The following TP53BP1 variants were observed in gnomAD, a reference collection of about 807,000 sequenced individuals.
TP53BP1 encodes tumor protein p53 binding protein 1, also known as TP53-binding protein 1.
In TP53BP1, 61 loss-of-function variants were observed where a neutral mutation model predicts 200.8. That is an observed-to-expected ratio of 0.30 (90% CI 0.25 to 0.38). TP53BP1 has a LOEUF of 0.38. Among genes scored for constraint, TP53BP1 ranks in the 10% least tolerant of loss-of-function variants. The pLI is 1.00. For synonymous variants in TP53BP1, 822 were observed against 844.3 expected, an observed-to-expected ratio of 0.97 and a Z score of 0.46; for missense variants, 2,144 against 2,371.9, an observed-to-expected ratio of 0.90 and a Z score of 2.00.
chr15:43,493,737 G>C (rs913472037), upstream of TP53BP1, among the ~76,000 whole-genome samples: 1 of 152,166 alleles, frequency 6.6e-6, no homozygotes, highest in African/African-American at 2.4e-5. Flanking sequence ...CATTGTATAA[G>C]GGCTCCAGTA....
rs1477157049 is a variant in TP53BP1 at position 43,483,586 on chromosome 15, A to C, written c.372-2564T>G. ...AAAGAGCATTAAGCGTAACTGTAAT[A>C]AACACAAAAGAGGTGAAAATATAAA... On this transcript the variant is annotated intron_variant, in intron 4 of 27. Coordinates refer to ENST00000382044, the MANE Select transcript of TP53BP1 (RefSeq NM_001141980.3). Among the ~76,000 whole-genome samples the C allele has an allele frequency of 3.3e-5, 5 of 152,356 alleles. No homozygotes were observed. The East Asian group carries it at 9.6e-4, about 29-fold the overall frequency.
intron 16 of TP53BP1, 102 bp downstream of exon 16, chr15:43,438,222 A>G (rs2045845472): frequency 2.1e-6 from 2 of 972,960 alleles, no homozygotes; most frequent in Non-Finnish European, 3.1e-6. Flanking sequence ...AGTTTCCAAC[A>G]CATGCCACAT....
chr15:43,494,967 TTA>T, upstream of TP53BP1, among the ~76,000 whole-genome samples: 1 of 151,514 alleles, frequency 6.6e-6, no homozygotes, highest in African/African-American at 2.4e-5. Context: ...GGCAGGTGGA[TTA>T]CTTGAGCCCA....
chr15:43,470,360 G>C (rs1335722622), intron 10 of TP53BP1, among the ~76,000 whole-genome samples: 2 of 152,154 alleles, frequency 1.3e-5, no homozygotes, highest in African/African-American at 2.4e-5. Flanking sequence ...CTCCTTTCCT[G>C]ATTTTATAGC....
At chr15:43,424,145 C>A (rs567461237) in intron 18 of TP53BP1, among the ~76,000 whole-genome samples, 2 of 152,310 alleles carry the variant, frequency 1.3e-5, no homozygotes, top group South Asian at 4.1e-4. Context: ...TCTCACATCT[C>A]CTACAGCTCT....
rs944501394 is a variant in TP53BP1, at chr15:43,412,423, T to C, written c.5305+696A>G. Among the ~76,000 whole-genome samples the C allele has an allele frequency of 2.0e-5, 3 of 152,354 alleles. No homozygotes were observed. The South Asian group carries it at 6.2e-4, about 32-fold the overall frequency. On this transcript the variant is annotated intron_variant, in intron 24 of 27. Coordinates refer to ENST00000382044, the MANE Select transcript of TP53BP1 (RefSeq NM_001141980.3). ...CATTCAGATACTGCTGTCAGTCACA[T>C]TTACAGTGTATACATTTATATCTGC...
At chr15:43,490,449 C>A (rs1400803257) in intron 4 of TP53BP1, among the ~76,000 whole-genome samples, 3 of 151,506 alleles carry the variant, frequency 2.0e-5, no homozygotes, top group Non-Finnish European at 2.9e-5. Flanking sequence ...ATCTCAAACT[C>A]CTGGGCTCAA....
At chr15:43,469,125 T>C (rs189634001) in intron 11 of TP53BP1, among the ~76,000 whole-genome samples, 1 of 152,332 alleles carries the variant, frequency 6.6e-6, no homozygotes, top group African/African-American at 2.4e-5. Flanking sequence ...GGTATTTAGA[T>C]TGAATATATA....
intron 4 of TP53BP1, among the ~76,000 whole-genome samples, chr15:43,482,072 C>T (rs919288478): frequency 4.7e-5 from 7 of 148,118 alleles, no homozygotes; most frequent in African/African-American, 1.5e-4. Context: ...CTAAAAAATA[C>T]AAAAAAATTA....
chr15:43,462,350 G>C (rs529676882), intron 11 of TP53BP1, among the ~76,000 whole-genome samples: 2 of 150,748 alleles, frequency 1.3e-5, no homozygotes, highest in African/African-American at 2.4e-5. Flanking sequence ...ACCCAGGCCA[G>C]AGGGCAGTGG....
At chr15:43,479,810 T>C (rs747387224) in intron 6 of TP53BP1, 49 bp downstream of exon 6, 99 of 1,601,196 alleles carry the variant, frequency 6.2e-5, no homozygotes, top group Non-Finnish European at 2.6e-6. Flanking sequence ...CTACCTCTAA[T>C]ATGGGAGAAA....
chr15:43,481,770 G>A (rs1442791543), intron 4 of TP53BP1, among the ~76,000 whole-genome samples: 5 of 148,858 alleles, frequency 3.4e-5, no homozygotes, highest in African/African-American at 1.2e-4. Flanking sequence ...AGCCGAGATC[G>A]CGCCACTGCA....
intron 16 of TP53BP1, among the ~76,000 whole-genome samples, chr15:43,437,091 T>G (rs927618113): frequency 2.0e-5 from 3 of 151,980 alleles, no homozygotes; most frequent in Non-Finnish European, 2.9e-5. Flanking sequence ...CCTAGGAATT[T>G]GGGGCTGCCG....
At chr15:43,420,958 C>T (rs2045382069) in intron 20 of TP53BP1, 67 bp downstream of exon 20, 7 of 1,545,678 alleles carry the variant, frequency 4.5e-6, no homozygotes, top group East Asian at 2.3e-5. Context: ...AAACTCTCTA[C>T]TCCCCTCTCC....
intron 12 of TP53BP1, among the ~76,000 whole-genome samples, chr15:43,447,937 A>G (rs766772864): frequency 6.6e-6 from 1 of 152,216 alleles, no homozygotes; most frequent in Non-Finnish European, 1.5e-5. Context: ...TCTCCAAAGC[A>G]AAGTTTGAAG....
At position 43,409,756 on chromosome 15, in the gene TP53BP1, A is replaced by T. The variant is rs762505165; in HGVS notation, c.5306-15T>A. ...TTCCAAAAATTCTATATTAAAAAAA[A>T]AAACCAAGATAATAATTACTGAGTG... On this transcript the variant is annotated splice_polypyrimidine_tract_variant and intron_variant, in intron 24 of 27. Coordinates refer to ENST00000382044, the MANE Select transcript of TP53BP1 (RefSeq NM_001141980.3). 8.0e-6 allele frequency: 11 copies of T among 1,376,936 alleles called. No homozygotes were observed. The Admixed American group carries it at 1.1e-4, about 14-fold the overall frequency. 85.3% of individuals were successfully genotyped at this position (1,376,936 alleles called of 1,614,324 possible). A position where few individuals can be genotyped will look rare whatever the true frequency, so the allele number is the denominator to read the frequency against.
chr15:43,415,491 G>T, intron 23 of TP53BP1, 103 bp downstream of exon 23: 1 of 1,256,318 alleles, frequency 8.0e-7, no homozygotes, highest in Non-Finnish European at 1.2e-6. Context: ...CTTTATAGCA[G>T]GACAGAAGGG....
chr15:43,431,078 C>T (rs981715401), intron 17 of TP53BP1, among the ~76,000 whole-genome samples: 1 of 152,132 alleles, frequency 6.6e-6, no homozygotes, highest in African/African-American at 2.4e-5. Context: ...CATTAACAGG[C>T]AGGGAGCATA....
chr15:43,416,522 C>T, intron 21 of TP53BP1, 106 bp from the exon 22 acceptor site: 1 of 1,062,160 alleles, frequency 9.4e-7, no homozygotes, highest in South Asian at 1.6e-5. Flanking sequence ...TTTAGAGATC[C>T]AACAGTGGAC....
Sources: gnomAD v4.1 joint callset for allele counts (sites outside exome capture counted in the v4.1 genomes callset) on GRCh38, gnomAD v4.1.1 for gene constraint, MANE v1.5 for transcripts, NCBI Gene and HGNC (gene_info 2026-07-23, HGNC 2026-07-21) for gene names.